TNKS: variants seen among roughly 807,000 people sequenced by gnomAD.
TNKS encodes the protein poly [ADP-ribose] polymerase tankyrase-1.
In TNKS, 72 loss-of-function variants were observed where a neutral mutation model predicts 135.8. The observed-to-expected ratio is 0.53, with a 90% CI of 0.44 to 0.64. TNKS has a LOEUF of 0.64. TNKS is among the 30% of genes least tolerant of loss of function. TNKS has a pLI of 0.00. For missense variants in TNKS, 1,769 were observed against 1,674.0 expected (o/e 1.06, Z -0.99); for synonymous variants, 849 against 649.3 (o/e 1.31, Z -4.68).
chr8:9,668,585 A>C (rs1802114119), intron 3 of TNKS, among the ~76,000 whole-genome samples: 2 of 152,254 alleles, frequency 1.3e-5, no homozygotes, highest in African/African-American at 2.4e-5. Context: ...TGTAGTGTCA[A>C]AGCTAGGACT....
At chr8:9,612,613 C>G (rs4481595) in intron 2 of TNKS, among the ~76,000 whole-genome samples, 30,060 of 151,976 alleles carry the variant, frequency 0.2, 3,241 homozygotes, top group East Asian at 0.29. Context: ...ATTTAAGTTT[C>G]AAAGTCCTTA....
chr8:9,636,910 C>G (rs1800533376), intron 3 of TNKS, among the ~76,000 whole-genome samples: 2 of 152,134 alleles, frequency 1.3e-5, no homozygotes, highest in Admixed American at 1.3e-4. Context: ...AACATCAGGC[C>G]TACTTAGAAT....
intron 17 of TNKS, among the ~76,000 whole-genome samples, chr8:9,740,639 G>C (rs568021549): frequency 2.6e-5 from 4 of 152,072 alleles, no homozygotes; most frequent in Non-Finnish European, 5.9e-5. Flanking sequence ...AAATCCTCTT[G>C]AAACTACAGT....
intron 2 of TNKS, among the ~76,000 whole-genome samples, chr8:9,585,506 A>G (rs1257532644): frequency 6.6e-6 from 1 of 152,218 alleles, no homozygotes; most frequent in Non-Finnish European, 1.5e-5. Flanking sequence ...GCACTTTTCC[A>G]GAAAGAAGGA....
intron 26 of TNKS, among the ~76,000 whole-genome samples, chr8:9,771,468 A>AAG (rs1807858370): frequency 7.9e-6 from 1 of 125,920 alleles, no homozygotes; most frequent in African/African-American, 2.9e-5. Context: ...GAAGGGAGGG[A>AAG]GAGAAGAAGG....
chr8:9,748,292 C>G, intron 18 of TNKS, 80 bp downstream of exon 18: 1 of 1,227,912 alleles, frequency 8.1e-7, no homozygotes, highest in Non-Finnish European at 1.1e-6. Flanking sequence ...CACCAGCTTA[C>G]TTTTAGTCGT....
chr8:9,706,581 T>G (rs1229751959), intron 7 of TNKS, among the ~76,000 whole-genome samples: 2 of 152,256 alleles, frequency 1.3e-5, no homozygotes, highest in Non-Finnish European at 2.9e-5. Flanking sequence ...CAGTCTTGTT[T>G]TTTTAGATTT....
At chr8:9,702,781 G>A (rs1026293788) in intron 5 of TNKS, among the ~76,000 whole-genome samples, 1 of 152,108 alleles carries the variant, frequency 6.6e-6, no homozygotes, top group Non-Finnish European at 1.5e-5. Context: ...TTTGGGAGGT[G>A]GAGGCGGGTG....
chr8:9,602,542 T>C (rs1388956387), intron 2 of TNKS, among the ~76,000 whole-genome samples: 1 of 152,188 alleles, frequency 6.6e-6, no homozygotes, highest in Non-Finnish European at 1.5e-5. Flanking sequence ...GTCTTTATCA[T>C]TGTAGCCTGT....
chr8:9,759,038 G>A (rs769282103), intron 20 of TNKS, among the ~76,000 whole-genome samples: 2 of 152,150 alleles, frequency 1.3e-5, no homozygotes, highest in East Asian at 3.9e-4. Context: ...TCCTTGCCAT[G>A]TGAGCCTGTA....
chr8:9,579,786 C>T (rs1350026588), intron 1 of TNKS, among the ~76,000 whole-genome samples: 1 of 152,098 alleles, frequency 6.6e-6, no homozygotes, highest in Non-Finnish European at 1.5e-5. Flanking sequence ...TTTAAATAAC[C>T]CTTGTTTCTA....
intron 20 of TNKS, among the ~76,000 whole-genome samples, chr8:9,753,960 C>T (rs10102170): frequency 0.41 from 62,720 of 152,048 alleles, 13,318 homozygotes; most frequent in African/African-American, 0.48. Flanking sequence ...ATGCCTCTTC[C>T]TGCTTCTGAT....
chr8:9,601,017 C>T lies in TNKS; in HGVS notation c.899-14565C>T, dbSNP rs555498418. 4.5e-4 allele frequency among the ~76,000 whole-genome samples: 69 copies of T among 152,272 alleles called. 1 individual carries two copies. Among genetic ancestry groups the T allele is most frequent in the African/African-American group, 1.5e-3 (61 of 41,566 alleles). On this transcript the variant is annotated intron_variant, in intron 2 of 26. Coordinates refer to ENST00000310430, the MANE Select transcript of TNKS (RefSeq NM_003747.3). ...TTCGTTACAAAGTAATTTCTGTAAG[C>T]AAGAGCTTTTAAAAAGCATTGTTTT...
At chr8:9,577,621 A>G (rs1051745942) in intron 1 of TNKS, among the ~76,000 whole-genome samples, 3 of 152,168 alleles carry the variant, frequency 2.0e-5, no homozygotes, top group African/African-American at 7.2e-5. Flanking sequence ...GAACAGCAAG[A>G]GGGAAATCTG....
chr8:9,720,684 C>A (rs1358078544), intron 12 of TNKS, 139 bp downstream of exon 12: 1 of 976,612 alleles, frequency 1.0e-6, no homozygotes, highest in Non-Finnish European at 1.5e-6. Flanking sequence ...TGGACTTCCC[C>A]ATCTCCCTTT....
chr8:9,619,037 T>C (rs1055087412), intron 3 of TNKS, among the ~76,000 whole-genome samples: 3 of 152,176 alleles, frequency 2.0e-5, no homozygotes, highest in Non-Finnish European at 2.9e-5. Context: ...GTGTTTCACA[T>C]TTAGGTAGGT....
intron 26 of TNKS, chr8:9,772,534 A>G (rs1196446263): frequency 9.7e-6 from 4 of 413,664 alleles, no homozygotes; most frequent in Admixed American, 7.9e-5. Context: ...TCCAGATTAC[A>G]TGAGGCCCAA....
At chr8:9,562,113 G>T (rs1797360068) in intron 1 of TNKS, among the ~76,000 whole-genome samples, 1 of 152,044 alleles carries the variant, frequency 6.6e-6, no homozygotes, top group Admixed American at 6.6e-5. Context: ...CACCACGCCT[G>T]GCCTTATATA....
chr8:9,775,768 C>T (rs1443258422), intron 26 of TNKS, among the ~76,000 whole-genome samples: 1 of 151,808 alleles, frequency 6.6e-6, no homozygotes, highest in Non-Finnish European at 1.5e-5. Context: ...CAGCATTGAA[C>T]AAACTATTTT....
Sources: allele counts gnomAD v4.1 joint callset (sites outside exome capture counted in the v4.1 genomes callset), GRCh38; gene constraint gnomAD v4.1.1; transcripts MANE v1.5; gene names NCBI Gene and HGNC (gene_info 2026-07-23, HGNC 2026-07-21).